Variants in UNC5A observed in about 807,000 individuals in gnomAD.
The protein encoded by UNC5A is unc-5 netrin receptor A.
Under a neutral mutation model 87.4 loss-of-function variants are expected in UNC5A, and 20 were observed. The observed-to-expected ratio is 0.23, with a 90% confidence interval of 0.16 to 0.33. The LOEUF is 0.33. Among genes scored for constraint, UNC5A ranks in the 10% least tolerant of loss-of-function variants. UNC5A has a pLI of 1.00. For missense variants in UNC5A, 844 were observed against 1,133.4 expected, an observed-to-expected ratio of 0.74 and a Z score of 3.67; for synonymous variants, 438 against 482.3, an observed-to-expected ratio of 0.91 and a Z score of 1.20.
intron 6 of UNC5A, among the ~76,000 whole-genome samples, chr5:176,872,725 C>T (rs1758154243): frequency 8.5e-6 from 1 of 117,106 alleles, no homozygotes; most frequent in Admixed American, 8.6e-5. Flanking sequence ...ACTCACCCCA[C>T]ACCACAGCTT....
chr5:176,833,030 G>A (rs746080726), intron 1 of UNC5A, among the ~76,000 whole-genome samples: 5 of 152,190 alleles, frequency 3.3e-5, no homozygotes, highest in African/African-American at 7.2e-5. Flanking sequence ...GGACTGGCAC[G>A]TGTGGTAGCC....
chr5:176,875,424 C>A lies in UNC5A; in HGVS notation c.1378+858C>A, dbSNP rs1758239191. On this transcript the variant is annotated intron_variant, in intron 8 of 14. Transcript: ENST00000329542. This position sits in a 1 kb window ranked among gnomAD's most constrained non-coding sequence, Gnocchi z 5.2. ...TTCACGGATCGTCTAGTTGCTCAAGCCGGAAACTTGGGGTCACCTTGACCT... is the reference window on the plus strand; with the variant it reads ...TTCACGGATCGTCTAGTTGCTCAAGACGGAAACTTGGGGTCACCTTGACCT... Among the ~76,000 whole-genome samples the A allele has an allele frequency of 6.6e-6, 1 of 152,012 alleles. No homozygotes were observed. Among genetic ancestry groups the A allele is most frequent in the African/African-American group, 2.4e-5 (1 of 41,372 alleles).
intron 1 of UNC5A, among the ~76,000 whole-genome samples, chr5:176,842,598 T>G (rs1180485948): frequency 6.6e-6 from 1 of 151,954 alleles, no homozygotes; most frequent in Non-Finnish European, 1.5e-5. Context: ...GTGAAGGAAC[T>G]CAGGAATGGA....
At position 176,868,593 on chromosome 5, in the gene UNC5A, G is replaced by A. The variant is rs1758030620; in HGVS notation, c.469G>A (p.Ala157Thr). 1 of 1,606,586 alleles carries A rather than the reference G, an allele frequency of 6.2e-7. No homozygotes were observed. The change falls in exon 4 of 15, where the codon GCC becomes ACC. Residue 157 changes from alanine (A) to threonine (T), a missense_variant. Coordinates refer to ENST00000329542, the MANE Select transcript of UNC5A (RefSeq NM_133369.3). ...LRKNFEQEPL[A>T]KEVSLEQGIV... is the part of the protein sequence containing the mutation. ...CAAGAACTTCGAGCAGGAGCCGCTG[G>A]CCAAGGAGGTGTCCCTGGAGCAGGG...
In UNC5A at chr5:176,874,166, C is replaced by A. The variant is rs200600471; in HGVS notation, c.1075+10C>A. 6.2e-7 allele frequency: 1 copy of A among 1,611,764 alleles called. No homozygotes were observed. The highest frequency in any genetic ancestry group is 8.5e-7 in the Non-Finnish European group (1 of 1,178,378). On this transcript the variant is annotated intron_variant, in intron 7 of 14. Transcript: ENST00000329542. This position sits in a 1 kb window ranked among gnomAD's most constrained non-coding sequence, Gnocchi z 7.6. ...AAGCCCAGCAAAGCAGGTGAGGGGCCCCGTGCCCCCAGCACTCCTGCCCCA... is the reference window on the plus strand; with the variant it reads ...AAGCCCAGCAAAGCAGGTGAGGGGCACCGTGCCCCCAGCACTCCTGCCCCA...
At chr5:176,856,968 G>T (rs1757681976) in intron 1 of UNC5A, among the ~76,000 whole-genome samples, 1 of 152,186 alleles carries the variant, frequency 6.6e-6, no homozygotes, top group South Asian at 2.1e-4. Flanking sequence ...CCTCCCTGCT[G>T]TCCTCAAACA....
intron 1 of UNC5A, among the ~76,000 whole-genome samples, chr5:176,853,099 C>A (rs934264168): frequency 6.6e-6 from 1 of 152,150 alleles, no homozygotes; most frequent in Non-Finnish European, 1.5e-5. Context: ...GTGGGAAGAT[C>A]GGAGGCAGCG....
At chr5:176,832,593 G>A (rs191409507) in intron 1 of UNC5A, among the ~76,000 whole-genome samples, 84 of 152,284 alleles carry the variant, frequency 5.5e-4, no homozygotes, top group African/African-American at 1.5e-3. Context: ...CTCAGCTGCC[G>A]CTGCTGCTAT....
chr5:176,857,155 C>G (rs1203126067), intron 1 of UNC5A, among the ~76,000 whole-genome samples: 4 of 152,250 alleles, frequency 2.6e-5, no homozygotes, highest in Non-Finnish European at 5.9e-5. Flanking sequence ...CTCTGCTGCA[C>G]TTAGTCCGCC....
intron 1 of UNC5A, among the ~76,000 whole-genome samples, chr5:176,830,081 G>C (rs900909575): frequency 2.6e-5 from 4 of 151,980 alleles, no homozygotes; most frequent in African/African-American, 9.7e-5. Context: ...TGCCATGTTG[G>C]ACAGGCTAGT....
At chr5:176,847,704 G>A (rs1467129827) in intron 1 of UNC5A, among the ~76,000 whole-genome samples, 1 of 152,142 alleles carries the variant, frequency 6.6e-6, no homozygotes, top group East Asian at 1.9e-4. Flanking sequence ...GAGACTCGGG[G>A]GGGCCCACAG....
At chr5:176,826,607 G>A (rs913507204) in intron 1 of UNC5A, among the ~76,000 whole-genome samples, 4 of 149,314 alleles carry the variant, frequency 2.7e-5, no homozygotes, top group Admixed American at 1.3e-4. Flanking sequence ...ACAATGTTAT[G>A]CGACCATCAC....
At chr5:176,861,541 C>T (rs143609587) in intron 1 of UNC5A, among the ~76,000 whole-genome samples, 2,853 of 152,300 alleles carry the variant, frequency 0.019, 45 homozygotes, top group South Asian at 0.045. Context: ...GTATGTGCCC[C>T]TCGGTGGGTA....
Position 176,877,634 on chromosome 5 carries a change from C to T in UNC5A, c.1566C>T (p.His522=). The stretch of plus-strand genomic sequence containing the variant: ...GGCCAGTCATCCTGGCTATGGACCA[C>T]TGTGGGGAGCCCAGCCCTGACAGCT... The part of the protein sequence containing the change: ...LTRPVILAMD[H]CGEPSPDSWS... Residue 522 remains histidine (H), a synonymous_variant, in exon 10 of 15, where the codon CAC becomes CAT. Coordinates refer to ENST00000329542, the MANE Select transcript of UNC5A (RefSeq NM_133369.3). The T allele has an allele frequency of 6.2e-7, 1 of 1,612,582 alleles. No homozygotes were observed. Among genetic ancestry groups the T allele is most frequent in the Non-Finnish European group, 8.5e-7 (1 of 1,179,688 alleles).
At chr5:176,830,961 TGTGTGTGTGCTG>T (rs1757007447) in intron 1 of UNC5A, among the ~76,000 whole-genome samples, 1 of 148,740 alleles carries the variant, frequency 6.7e-6, no homozygotes, top group East Asian at 2.0e-4. Context: ...TGTGCCGGCG[TGTGTGTGTGCTG>T]GTGTGTGTGT....
At chr5:176,814,716 C>T (rs541258554) in intron 1 of UNC5A, among the ~76,000 whole-genome samples, 2 of 152,360 alleles carry the variant, frequency 1.3e-5, no homozygotes, top group East Asian at 3.9e-4. Flanking sequence ...TCCAGTGCCT[C>T]CCTCAGGTAT....
At chr5:176,861,544 G>A (rs972100797) in intron 1 of UNC5A, among the ~76,000 whole-genome samples, 18 of 152,318 alleles carry the variant, frequency 1.2e-4, no homozygotes, top group Non-Finnish European at 2.9e-5. Flanking sequence ...TGTGCCCCTC[G>A]GTGGGTAGGG....
At chr5:176,815,646 G>A (rs1402394747) in intron 1 of UNC5A, among the ~76,000 whole-genome samples, 2 of 152,176 alleles carry the variant, frequency 1.3e-5, no homozygotes, top group African/African-American at 4.8e-5. Flanking sequence ...GTGTTCCTTC[G>A]CATTTGTGGG....
chr5:176,877,639 G>A lies in UNC5A; in HGVS notation c.1571G>A (p.Gly524Glu), dbSNP rs1187735233. ...RPVILAMDHC[G>E]EPSPDSWSLR... ...GTCATCCTGGCTATGGACCACTGTGGGGAGCCCAGCCCTGACAGCTGGAGC... is the reference window on the plus strand; with the variant it reads ...GTCATCCTGGCTATGGACCACTGTGAGGAGCCCAGCCCTGACAGCTGGAGC... Residue 524 changes from glycine to glutamate, a missense_variant, in exon 10 of 15, where the codon GGG becomes GAG. Coordinates refer to ENST00000329542, the MANE Select transcript of UNC5A (RefSeq NM_133369.3). The A allele has an allele frequency of 6.2e-7, 1 of 1,612,516 alleles. No homozygotes were observed. The highest frequency in any genetic ancestry group is 1.7e-5 in the Admixed American group (1 of 60,004).
Sources: allele counts gnomAD v4.1 joint callset (sites outside exome capture counted in the v4.1 genomes callset), GRCh38; gene constraint gnomAD v4.1.1; non-coding constraint Gnocchi (gnomAD v3.1); transcripts MANE v1.5; gene names NCBI Gene and HGNC (gene_info 2026-07-23, HGNC 2026-07-21).